The following TRPM3 variants were observed in gnomAD, a reference collection of about 807,000 sequenced individuals.
TRPM3 encodes long transient receptor potential channel 3.
In TRPM3, 77 loss-of-function variants were observed where a neutral mutation model predicts 181.2. The ratio of observed to expected loss-of-function variants is 0.42; its 90% confidence interval spans 0.35 to 0.51. The LOEUF (loss-of-function observed/expected upper bound fraction) is 0.51. TRPM3 is among the 20% of genes least tolerant of loss of function. The pLI is 0.01. For synonymous variants in TRPM3, 745 were observed against 796.4 expected (o/e 0.94, Z 1.09); for missense variants, 1,759 against 2,196.7 (o/e 0.80, Z 3.98).
At chr9:71,361,684 T>A (rs2092151457) in intron 1 of TRPM3, among the ~76,000 whole-genome samples, 1 of 152,204 alleles carries the variant, frequency 6.6e-6, no homozygotes, top group South Asian at 2.1e-4. Context: ...GTCACAGTAA[T>A]GGAGCAACTT....
intron 7 of TRPM3, among the ~76,000 whole-genome samples, chr9:70,769,468 C>T (rs966190842): frequency 1.1e-4 from 17 of 151,906 alleles, no homozygotes; most frequent in African/African-American, 3.4e-4. Context: ...GTATATTGCA[C>T]GTTTCTGAGC....
intron 1 of TRPM3, among the ~76,000 whole-genome samples, chr9:71,437,585 C>T (rs1490190026): frequency 6.6e-6 from 1 of 152,010 alleles, no homozygotes; most frequent in Non-Finnish European, 1.5e-5. Flanking sequence ...AAACCTAAAA[C>T]ACCAGCCGGG....
intron 1 of TRPM3, among the ~76,000 whole-genome samples, chr9:71,233,129 A>G (rs1046396198): frequency 9.6e-4 from 146 of 152,336 alleles, no homozygotes; most frequent in African/African-American, 3.2e-3. Flanking sequence ...GTCCAACAAT[A>G]AAACATTGTC....
intron 1 of TRPM3, among the ~76,000 whole-genome samples, chr9:71,180,050 CTTTTTTTTTTTT>C (rs35877663): frequency 9.9e-6 from 1 of 101,188 alleles, no homozygotes; most frequent in South Asian, 3.8e-4. Context: ...ATACATCCTT[CTTTTTTTTTTTT>C]TTTTTTTTTG....
chr9:71,066,127 T>C (rs942162032), intron 1 of TRPM3, among the ~76,000 whole-genome samples: 2 of 150,680 alleles, frequency 1.3e-5, no homozygotes, highest in Admixed American at 6.6e-5. Flanking sequence ...TTGAGAAATG[T>C]TCCTACCTAT....
intron 6 of TRPM3, among the ~76,000 whole-genome samples, chr9:70,821,773 T>C (rs893469551): frequency 6.6e-6 from 1 of 152,190 alleles, no homozygotes; most frequent in African/African-American, 2.4e-5. Context: ...GATACAGATA[T>C]ACAGAGAATA....
chr9:71,151,005 G>T (rs2075705660), intron 1 of TRPM3, among the ~76,000 whole-genome samples: 1 of 152,114 alleles, frequency 6.6e-6, no homozygotes, highest in South Asian at 2.1e-4. Flanking sequence ...TGAGATGACT[G>T]GGAAACTGTC....
intron 6 of TRPM3, among the ~76,000 whole-genome samples, chr9:70,823,568 C>A (rs10868895): frequency 6.6e-6 from 1 of 152,058 alleles, no homozygotes; most frequent in East Asian, 1.9e-4. Context: ...CCAATGCACA[C>A]GTGTGCATGC....
intron 1 of TRPM3, among the ~76,000 whole-genome samples, chr9:71,282,270 GAGAAAGAAAGAAAAGAA>G (rs2084850409): frequency 4.0e-5 from 2 of 49,828 alleles, no homozygotes; most frequent in Admixed American, 1.9e-4. Context: ...GAAAGAAAGA[GAGAAAGAAAGAAAAGAA>G]AGAAAGAAAA....
At chr9:70,592,121 G>A (rs2058216675) in intron 21 of TRPM3, among the ~76,000 whole-genome samples, 1 of 152,118 alleles carries the variant, frequency 6.6e-6, no homozygotes, top group Non-Finnish European at 1.5e-5. Flanking sequence ...ATATTAAATA[G>A]ATGAGGATGC....
intron 1 of TRPM3, among the ~76,000 whole-genome samples, chr9:71,317,956 A>G (rs1291190066): frequency 6.6e-6 from 1 of 152,154 alleles, no homozygotes; most frequent in African/African-American, 2.4e-5. Flanking sequence ...TTCAACATTT[A>G]AAATAGAATG....
At chr9:71,446,544 C>T (rs1302618295) in intron 1 of TRPM3, 5 of 1,156,894 alleles carry the variant, frequency 4.3e-6, no homozygotes, top group African/African-American at 1.6e-5. Context: ...GCCACAAGTT[C>T]CCTGGCTCTC....
chr9:71,212,428 T>G (rs1335589449), intron 1 of TRPM3, among the ~76,000 whole-genome samples: 1 of 150,138 alleles, frequency 6.7e-6, no homozygotes, highest in Non-Finnish European at 1.5e-5. Flanking sequence ...TGGTGTTTCC[T>G]TGAGTTTGTT....
intron 3 of TRPM3, among the ~76,000 whole-genome samples, chr9:70,855,261 T>C (rs2095357286): frequency 6.6e-6 from 1 of 152,166 alleles, no homozygotes; most frequent in Non-Finnish European, 1.5e-5. Flanking sequence ...GATTGGTGGG[T>C]GGGGCAGCAG....
chr9:70,772,527 T>G (rs1289951167), intron 7 of TRPM3, among the ~76,000 whole-genome samples: 2 of 152,158 alleles, frequency 1.3e-5, no homozygotes, highest in Non-Finnish European at 2.9e-5. Context: ...TTCGCCATGT[T>G]GCCCAGGCTG....
intron 1 of TRPM3, among the ~76,000 whole-genome samples, chr9:71,133,660 G>A (rs1255527690): frequency 6.6e-6 from 1 of 151,994 alleles, no homozygotes; most frequent in Non-Finnish European, 1.5e-5. Context: ...TTTATATTAA[G>A]GACATTAATC....
intron 1 of TRPM3, among the ~76,000 whole-genome samples, chr9:71,415,635 A>G (rs1196579262): frequency 6.6e-6 from 1 of 152,046 alleles, no homozygotes; most frequent in Non-Finnish European, 1.5e-5. Flanking sequence ...GCTGTATATG[A>G]CCATTATATC....
intron 20 of TRPM3, among the ~76,000 whole-genome samples, chr9:70,601,547 CAG>C (rs1265104462): frequency 1.3e-5 from 2 of 152,134 alleles, no homozygotes; most frequent in Non-Finnish European, 2.9e-5. Flanking sequence ...GGGCAGGACA[CAG>C]GGGTTGGGGC....
chr9:71,208,903 A>G (rs913613251), intron 1 of TRPM3, among the ~76,000 whole-genome samples: 6 of 152,206 alleles, frequency 3.9e-5, no homozygotes, highest in Non-Finnish European at 8.8e-5. Flanking sequence ...TATTTTGGAA[A>G]ACTGGAACCT....
Sources: allele counts gnomAD v4.1 joint callset (sites outside exome capture counted in the v4.1 genomes callset), GRCh38; gene constraint gnomAD v4.1.1; transcripts MANE v1.5; gene names NCBI Gene and HGNC (gene_info 2026-07-23, HGNC 2026-07-21).